ABLIM2: variants seen among roughly 807,000 people sequenced by gnomAD.
The protein encoded by ABLIM2 is actin-binding LIM protein 2.
In ABLIM2, 53 loss-of-function variants were observed where a neutral mutation model predicts 97.7. The ratio of observed to expected loss-of-function variants is 0.54; its 90% CI spans 0.44 to 0.68. The LOEUF (loss-of-function observed/expected upper bound fraction) is 0.68, where lower values mean the gene tolerates loss of function less well. ABLIM2 is among the 30% of genes least tolerant of loss of function. The pLI is 0.00. For synonymous variants in ABLIM2, 361 were observed against 345.8 expected, an observed-to-expected ratio of 1.04 and a Z score of -0.49; for missense variants, 835 against 867.2, an observed-to-expected ratio of 0.96 and a Z score of 0.47.
At chr4:8,109,108 C>T (rs60793748) in intron 1 of ABLIM2, among the ~76,000 whole-genome samples, 5,534 of 152,310 alleles carry the variant, frequency 0.036, 347 homozygotes, top group African/African-American at 0.12. Context: ...GCGGCACTGG[C>T]CCCCCACCGC....
In ABLIM2 at chr4:8,155,836, C is replaced by A. The variant is rs1304424477; in HGVS notation, c.10+2844G>T. On this transcript the variant is annotated intron_variant, in intron 1 of 20. Transcript: ENST00000447017. The surrounding 1 kb of genome is among the most constrained non-coding windows in gnomAD (Gnocchi z 4.2). ...AGACACACACAAAGGGAAGACGGGG[C>A]GAGGACACAGACACACACAAAGGGA... 6.6e-6 allele frequency among the ~76,000 whole-genome samples: 1 copy of A among 151,610 alleles called. No individual in the cohort carries two copies. Among genetic ancestry groups the A allele is most frequent in the Non-Finnish European group, 1.5e-5 (1 of 67,912 alleles).
In ABLIM2 at chr4:8,130,870, G is replaced by A. The variant is rs1362164654; in HGVS notation, c.11-24233C>T. Among the ~76,000 whole-genome samples the A allele has an allele frequency of 6.6e-6, 1 of 152,130 alleles. No homozygotes were observed. The highest frequency in any genetic ancestry group is 1.5e-5 in the Non-Finnish European group (1 of 68,008). The stretch of plus-strand genomic sequence containing the variant: ...AGGGCAGGCTGTCCTTGCCTTGCCT[G>A]GCTGCTGGGGCGGCCTGCATTTCCT... On this transcript the variant is annotated intron_variant, in intron 1 of 20. Coordinates refer to ENST00000447017, the MANE Select transcript of ABLIM2 (RefSeq NM_001130083.2). This position sits in a 1 kb window ranked among gnomAD's most constrained non-coding sequence, Gnocchi z 4.2.
intron 20 of ABLIM2, among the ~76,000 whole-genome samples, chr4:7,969,142 A>G (rs1397540263): frequency 6.6e-6 from 1 of 151,490 alleles, no homozygotes; most frequent in East Asian, 1.9e-4. Flanking sequence ...AAAAAAATAA[A>G]TAAAATAAAA....
At chr4:7,984,749 G>A (rs1310044058) in intron 18 of ABLIM2, 90 bp downstream of exon 18, 1 of 1,378,528 alleles carries the variant, frequency 7.3e-7, no homozygotes, top group Non-Finnish European at 9.9e-7. Flanking sequence ...TCTGCAGGCT[G>A]CGGATGGGGT....
chr4:8,071,287 C>T lies in ABLIM2; in HGVS notation c.675+6341G>A, dbSNP rs1222066503. Among the ~76,000 whole-genome samples the T allele has an allele frequency of 1.3e-5, 2 of 152,164 alleles. No individual in the cohort carries two copies. Among genetic ancestry groups the T allele is most frequent in the African/African-American group, 4.8e-5 (2 of 41,446 alleles). ...CAGCCATCCCGGCCCAGGAGTGGGA[C>T]ACAGATATCAGCCCCTCCCATGCCC... On this transcript the variant is annotated intron_variant, in intron 6 of 20. Coordinates refer to ENST00000447017, the MANE Select transcript of ABLIM2 (RefSeq NM_001130083.2). This position sits in a 1 kb window ranked among gnomAD's most constrained non-coding sequence, Gnocchi z 6.2.
intron 20 of ABLIM2, among the ~76,000 whole-genome samples, chr4:7,981,642 C>T (rs1738532544): frequency 6.6e-6 from 1 of 152,200 alleles, no homozygotes. Context: ...CCATTTGCAA[C>T]AAACAGGTCA....
chr4:7,984,453 G>A (rs866786641), intron 18 of ABLIM2, among the ~76,000 whole-genome samples: 20 of 152,364 alleles, frequency 1.3e-4, no homozygotes, highest in African/African-American at 4.8e-4. Context: ...GCTGAACCCG[G>A]AGAGTTCACG....
intron 3 of ABLIM2, 85 bp downstream of exon 3, chr4:8,097,014 C>A: frequency 1.4e-6 from 2 of 1,456,226 alleles, no homozygotes; most frequent in Non-Finnish European, 1.8e-6. Flanking sequence ...CGGGAGGGAG[C>A]AGGAGGAAGA....
At chr4:8,008,787 T>C (rs950328592) in intron 15 of ABLIM2, among the ~76,000 whole-genome samples, 2 of 152,224 alleles carry the variant, frequency 1.3e-5, no homozygotes, top group African/African-American at 4.8e-5. Flanking sequence ...CTTTGATTTA[T>C]TTCCCTTTCA....
intron 1 of ABLIM2, among the ~76,000 whole-genome samples, chr4:8,152,737 T>C (rs780428832): frequency 4.6e-5 from 7 of 152,190 alleles, no homozygotes; most frequent in Middle Eastern, 3.2e-3. Context: ...TCCCAGGACA[T>C]GACCCATGTT....
chr4:8,100,515 G>C (rs1471741425), intron 2 of ABLIM2, among the ~76,000 whole-genome samples: 1 of 152,130 alleles, frequency 6.6e-6, no homozygotes, highest in Non-Finnish European at 1.5e-5. Context: ...GGGAGGCTGA[G>C]GGGGGCGGAT....
At position 8,043,338 on chromosome 4, in the gene ABLIM2, G is replaced by A. The variant is rs1022697841; in HGVS notation, c.900+1826C>T. Among the ~76,000 whole-genome samples, 6 of 152,084 alleles carry A rather than the reference G, an allele frequency of 3.9e-5. No homozygotes were observed. The highest frequency in any genetic ancestry group is 1.2e-4 in the African/African-American group (5 of 41,406). On this transcript the variant is annotated intron_variant, in intron 9 of 20. Transcript: ENST00000447017. The surrounding 1 kb of genome is among the most constrained non-coding windows in gnomAD (Gnocchi z 4.8). Reference sequence around the variant, plus strand: ...GAGGAAACAGACCATACCTTTGTGCGCCTACACAAACATGATCTCATTCAC... The same window carrying A: ...GAGGAAACAGACCATACCTTTGTGCACCTACACAAACATGATCTCATTCAC...
At chr4:8,027,964 G>C in intron 11 of ABLIM2, 107 bp from the exon 12 acceptor site, 1 of 798,094 alleles carries the variant, frequency 1.3e-6, no homozygotes. Context: ...TTCCTCTCTT[G>C]AGGAATGCAC....
chr4:8,149,527 AG>A lies in ABLIM2; in HGVS notation c.10+9152del, dbSNP rs1711863460. ...GAGGAAGGAGGGAAGCAGAGGGCCT[AG>A]AGATGGGAAGAAAGCTTCACAGAGG... On this transcript the variant is annotated intron_variant, in intron 1 of 20. Coordinates refer to ENST00000447017, the MANE Select transcript of ABLIM2 (RefSeq NM_001130083.2). This position sits in a 1 kb window ranked among gnomAD's most constrained non-coding sequence, Gnocchi z 6.4. Among the ~76,000 whole-genome samples the A allele has an allele frequency of 6.6e-6, 1 of 151,912 alleles. No individual in the cohort carries two copies. Among genetic ancestry groups the A allele is most frequent in the Non-Finnish European group, 1.5e-5 (1 of 67,980 alleles).
intron 9 of ABLIM2, among the ~76,000 whole-genome samples, chr4:8,042,422 CAG>C: frequency 6.6e-6 from 1 of 152,342 alleles, no homozygotes; most frequent in South Asian, 2.1e-4. Context: ...AAGGACTCCC[CAG>C]AGAGGCCAAG....
In ABLIM2 at chr4:8,019,989, G is replaced by A. The variant is rs975534399; in HGVS notation, c.1369+213C>T. ...AGGTGTATCTCCCTGCCGTTTGTGG[G>A]AATTTGGAAGAAACTCAAACACACA... On this transcript the variant is annotated intron_variant, in intron 13 of 20. Coordinates refer to ENST00000447017, the MANE Select transcript of ABLIM2 (RefSeq NM_001130083.2). The surrounding 1 kb of genome is among the most constrained non-coding windows in gnomAD (Gnocchi z 4.3). 7.9e-5 allele frequency among the ~76,000 whole-genome samples: 12 copies of A among 152,178 alleles called. No individual in the cohort carries two copies. The highest frequency in any genetic ancestry group is 2.9e-4 in the African/African-American group (12 of 41,428).
intron 12 of ABLIM2, chr4:8,020,659 A>G: frequency 3.1e-6 from 1 of 321,364 alleles, no homozygotes; most frequent in South Asian, 3.9e-5. Context: ...ATTCGCCAAA[A>G]CAAAGGCCCC....
At chr4:7,982,280 C>T (rs946607332) in intron 20 of ABLIM2, among the ~76,000 whole-genome samples, 6 of 152,250 alleles carry the variant, frequency 3.9e-5, no homozygotes, top group Non-Finnish European at 8.8e-5. Context: ...CACATGGGGT[C>T]ATACACACTC....
intron 20 of ABLIM2, among the ~76,000 whole-genome samples, chr4:7,978,777 G>T (rs1459159542): frequency 1.3e-5 from 2 of 152,196 alleles, no homozygotes; most frequent in Admixed American, 6.5e-5. Flanking sequence ...AGAACTCAAG[G>T]AAACAACTTC....
Sources: allele counts gnomAD v4.1 joint callset (sites outside exome capture counted in the v4.1 genomes callset), GRCh38; gene constraint gnomAD v4.1.1; non-coding constraint Gnocchi (gnomAD v3.1); transcripts MANE v1.5; gene names NCBI Gene and HGNC (gene_info 2026-07-23, HGNC 2026-07-21).